The following PLCH1 variants were observed in gnomAD, a reference collection of about 807,000 sequenced individuals.
PLCH1 encodes the protein phospholipase C eta 1.
A neutral mutation model predicts 126.7 loss-of-function variants in PLCH1; 60 were observed. The ratio of observed to expected loss-of-function variants is 0.47; its 90% CI spans 0.38 to 0.59. The LOEUF (loss-of-function observed/expected upper bound fraction) is 0.59, where lower values mean the gene tolerates loss of function less well. Among genes scored for constraint, PLCH1 ranks in the 20% least tolerant of loss-of-function variants. PLCH1 has a pLI of 0.00. For synonymous variants in PLCH1, 719 were observed against 734.9 expected (o/e 0.98, Z 0.35); for missense variants, 1,723 against 2,040.0 (o/e 0.84, Z 2.99).
At chr3:155,570,786 TTTTC>T (rs1283669272) in intron 6 of PLCH1, among the ~76,000 whole-genome samples, 1 of 152,198 alleles carries the variant, frequency 6.6e-6, no homozygotes, top group Non-Finnish European at 1.5e-5. Flanking sequence ...CTCTGGGCAT[TTTTC>T]TTTATTTCTA....
chr3:155,610,099 G>C (rs1037949467), intron 2 of PLCH1, among the ~76,000 whole-genome samples: 1 of 152,002 alleles, frequency 6.6e-6, no homozygotes, highest in East Asian at 1.9e-4. Context: ...GTGGATCACA[G>C]CTATAATCCC....
At chr3:155,509,143 G>C (rs1560088173) in intron 12 of PLCH1, among the ~76,000 whole-genome samples, 1 of 141,218 alleles carries the variant, frequency 7.1e-6, no homozygotes, top group Admixed American at 6.8e-5. Context: ...TATTTGCGTA[G>C]AGGTGTTTGT....
At chr3:155,538,786 C>T (rs1040685600) in intron 10 of PLCH1, among the ~76,000 whole-genome samples, 8 of 151,974 alleles carry the variant, frequency 5.3e-5, no homozygotes, top group East Asian at 1.9e-4. Flanking sequence ...CAAAAAATGT[C>T]CAGGACCAGA....
intron 1 of PLCH1, among the ~76,000 whole-genome samples, chr3:155,736,757 C>T (rs945409637): frequency 5.3e-5 from 8 of 152,154 alleles, no homozygotes; most frequent in African/African-American, 1.9e-4. Context: ...CAGATAATTG[C>T]TTTTCTTTTC....
At chr3:155,730,423 A>C (rs1748686941) in intron 1 of PLCH1, among the ~76,000 whole-genome samples, 1 of 152,018 alleles carries the variant, frequency 6.6e-6, no homozygotes, top group African/African-American at 2.4e-5. Flanking sequence ...CTGGGACTAC[A>C]GGCGCCCGCA....
At chr3:155,468,804 C>T (rs1260763086) in intron 21 of PLCH1, among the ~76,000 whole-genome samples, 1 of 152,058 alleles carries the variant, frequency 6.6e-6, no homozygotes, top group African/African-American at 2.4e-5. Flanking sequence ...GAGAGCTAGG[C>T]CCCAATACAA....
chr3:155,693,072 C>G (rs1020161856), intron 2 of PLCH1, among the ~76,000 whole-genome samples: 1 of 151,822 alleles, frequency 6.6e-6, no homozygotes, highest in Non-Finnish European at 1.5e-5. Context: ...GTGCGCCCGG[C>G]CTAATCATCA....
chr3:155,728,967 T>C (rs146398233), intron 1 of PLCH1, among the ~76,000 whole-genome samples: 1 of 152,342 alleles, frequency 6.6e-6, no homozygotes, highest in African/African-American at 2.4e-5. Flanking sequence ...ATTTTACAAT[T>C]CTTATTTAAT....
chr3:155,502,012 AC>A (rs149191345), intron 13 of PLCH1, among the ~76,000 whole-genome samples: 2 of 151,544 alleles, frequency 1.3e-5, no homozygotes, highest in African/African-American at 2.4e-5. Flanking sequence ...CTTCTCCTAA[AC>A]CCCCCCAAAA....
At chr3:155,702,742 A>T (rs981530851) in intron 2 of PLCH1, among the ~76,000 whole-genome samples, 1 of 152,264 alleles carries the variant, frequency 6.6e-6, no homozygotes, top group African/African-American at 2.4e-5. Flanking sequence ...TTGAAAAAAT[A>T]AACCTAGTTC....
At chr3:155,527,051 T>C (rs546173587) in intron 10 of PLCH1, among the ~76,000 whole-genome samples, 1 of 152,278 alleles carries the variant, frequency 6.6e-6, no homozygotes, top group Admixed American at 6.5e-5. Context: ...CAGGATGGGT[T>C]CAACTTGGTC....
At position 155,482,189 on chromosome 3, in the gene PLCH1, T is replaced by C; in HGVS notation, c.3837A>G (p.Pro1279=). The C allele has an allele frequency of 1.9e-6, 3 of 1,614,222 alleles. No individual in the cohort carries two copies. The highest frequency in any genetic ancestry group is 2.5e-6 in the Non-Finnish European group (3 of 1,180,042). The change falls in exon 23 of 23, where the codon CCA becomes CCG. Residue 1279 remains proline (P), a synonymous_variant. Coordinates refer to ENST00000460012, the MANE Select transcript of PLCH1 (RefSeq NM_014996.4). ...TGGCCTTACTAGAAAGGTCATCATC[T>C]GGTTTGGTTTTAGAGATGGGAGTGC... ...TTCTPISKTK[P]DDDLSSKAKT...
At chr3:155,684,648 C>T (rs1304022999) in intron 2 of PLCH1, among the ~76,000 whole-genome samples, 1 of 152,154 alleles carries the variant, frequency 6.6e-6, no homozygotes, top group Non-Finnish European at 1.5e-5. Context: ...GGAGACCTCA[C>T]TCCTCTTTCT....
At chr3:155,604,261 C>A (rs1436041907) in intron 2 of PLCH1, among the ~76,000 whole-genome samples, 2 of 152,058 alleles carry the variant, frequency 1.3e-5, no homozygotes, top group African/African-American at 2.4e-5. Context: ...AGTAGTAAAG[C>A]CTTAAAGTCA....
chr3:155,690,485 A>G (rs1745293840), intron 2 of PLCH1, among the ~76,000 whole-genome samples: 1 of 152,226 alleles, frequency 6.6e-6, no homozygotes, highest in Non-Finnish European at 1.5e-5. Flanking sequence ...AGTCCTTGCT[A>G]TTATAGATCA....
chr3:155,592,418 C>T (rs560898912), intron 4 of PLCH1, among the ~76,000 whole-genome samples: 6 of 150,954 alleles, frequency 4.0e-5, no homozygotes, highest in Non-Finnish European at 5.9e-5. Context: ...TTGCTTGAAC[C>T]CAGGAGGCAG....
At position 155,727,429 on chromosome 3, in the gene PLCH1, C is replaced by G. The variant is rs553888899; in HGVS notation, c.-41+17411G>C. On this transcript the variant is annotated intron_variant, in intron 1 of 22. Coordinates refer to ENST00000460012, the MANE Select transcript of PLCH1 (RefSeq NM_014996.4). ...TTGAGATGGAGTCTCATTCTTTTGTCCAGGCTGGAGTGCAGTGGCACAATC... is the reference window on the plus strand; with the variant it reads ...TTGAGATGGAGTCTCATTCTTTTGTGCAGGCTGGAGTGCAGTGGCACAATC... 1.9e-4 allele frequency among the ~76,000 whole-genome samples: 27 copies of G among 144,866 alleles called. No homozygotes were observed. The South Asian group carries it at 5.6e-3, about 30-fold the overall frequency.
intron 6 of PLCH1, among the ~76,000 whole-genome samples, chr3:155,579,320 G>A (rs1263849607): frequency 2.0e-5 from 3 of 152,136 alleles, no homozygotes; most frequent in Non-Finnish European, 4.4e-5. Flanking sequence ...ATTGCTCCTT[G>A]GAAATGGCTA....
chr3:155,534,131 TC>T (rs199780641), intron 10 of PLCH1, among the ~76,000 whole-genome samples: 2,614 of 152,214 alleles, frequency 0.017, 38 homozygotes, highest in Non-Finnish European at 0.025. Flanking sequence ...GAATGATAGA[TC>T]CACTGACAGC....
Sources: gnomAD v4.1 joint callset for allele counts (sites outside exome capture counted in the v4.1 genomes callset) on GRCh38, gnomAD v4.1.1 for gene constraint, MANE v1.5 for transcripts, NCBI Gene and HGNC (gene_info 2026-07-23, HGNC 2026-07-21) for gene names.